Variants in ZNF138 observed in about 807,000 individuals in gnomAD.
ZNF138 encodes the protein zinc finger protein 138, also known as zinc finger protein 138 (clone pHZ-32).
In ZNF138, 33 loss-of-function variants were observed where a neutral mutation model predicts 33.0. That is an observed-to-expected ratio of 1.00 (90% CI 0.76 to 1.34). The LOEUF is 1.34. Ranked by LOEUF, ZNF138 falls within the 40% of genes most tolerant of loss-of-function variation. The pLI, the probability that ZNF138 is intolerant of heterozygous loss-of-function variation, is 0.00. For synonymous variants in ZNF138, 139 were observed against 120.4 expected, an observed-to-expected ratio of 1.15 and a Z score of -1.01; for missense variants, 360 against 370.8, an observed-to-expected ratio of 0.97 and a Z score of 0.24.
Position 64,832,499 on chromosome 7 carries a change from C to A in ZNF138, c.*297C>A. ...AAATTCATACTGGGGAGAAACCCCA[C>A]AAATGTGGAGAATGCGGAAAAGCCT... On this transcript the variant is annotated 3_prime_UTR_variant, in exon 4 of 4. Transcript: ENST00000307355. The A allele has an allele frequency of 9.6e-7, 1 of 1,044,584 alleles. No individual in the cohort carries two copies. Among genetic ancestry groups the A allele is most frequent in the Non-Finnish European group, 1.3e-6 (1 of 756,702 alleles). 64.7% of individuals were successfully genotyped at this position (1,044,584 alleles called of 1,614,324 possible).
intron 1 of ZNF138, among the ~76,000 whole-genome samples, chr7:64,806,852 CTGT>C (rs992432156): frequency 6.6e-6 from 1 of 152,214 alleles, no homozygotes; most frequent in African/African-American, 2.4e-5. Flanking sequence ...TCAGCCCACT[CTGT>C]TGTTGGGAAC....
chr7:64,832,386 A>G lies in ZNF138; in HGVS notation c.*184A>G. On this transcript the variant is annotated 3_prime_UTR_variant, in exon 4 of 4. Transcript: ENST00000307355. ...CCAGTCCGCAAAGCTCACTGAACAT[A>G]AGTTAATTCATACTGGAGAAAAACC... 6.5e-7 allele frequency: 1 copy of G among 1,530,940 alleles called. No homozygotes were observed. The highest frequency in any genetic ancestry group is 8.7e-7 in the Non-Finnish European group (1 of 1,145,420). 94.8% of individuals were successfully genotyped at this position (1,530,940 alleles called of 1,614,324 possible). A position where few individuals can be genotyped will look rare whatever the true frequency, so the allele number is the denominator to read the frequency against.
intron 3 of ZNF138, among the ~76,000 whole-genome samples, chr7:64,824,571 A>T (rs923241726): frequency 1.3e-5 from 2 of 152,120 alleles, no homozygotes; most frequent in Non-Finnish European, 2.9e-5. Flanking sequence ...TGCAATTATT[A>T]TGTTGCTATG....
downstream of ZNF138, among the ~76,000 whole-genome samples, chr7:64,837,768 T>G (rs1432576801): frequency 6.6e-6 from 1 of 152,190 alleles, no homozygotes; most frequent in Non-Finnish European, 1.5e-5. Context: ...AATCTTGGGG[T>G]TATCTGTTCG....
At chr7:64,846,116 C>T in the ZNF138 span, among the ~76,000 whole-genome samples, 1 of 152,076 alleles carries the variant, frequency 6.6e-6, no homozygotes, top group African/African-American at 2.4e-5. Flanking sequence ...GCTCCGTTGG[C>T]CTACGTGCCT....
In ZNF138 at chr7:64,832,819, C is replaced by T. The variant is rs1047444832; in HGVS notation, c.*617C>T. 8.9e-6 allele frequency: 4 copies of T among 449,038 alleles called. No homozygotes were observed. Among genetic ancestry groups the T allele is most frequent in the South Asian group, 1.7e-5 (1 of 57,846 alleles). The allele number at this position is 449,038 out of a possible 1,614,324, so 27.8% of individuals were successfully genotyped here. ...CTTACTAAACACAAGAAGATTCATA[C>T]TAGAGAGAAACCCTACAAATGTGAA... On this transcript the variant is annotated 3_prime_UTR_variant, in exon 4 of 4. Transcript: ENST00000307355.
intron 1 of ZNF138, among the ~76,000 whole-genome samples, chr7:64,794,806 G>A (rs1207779718): frequency 6.6e-6 from 1 of 152,150 alleles, no homozygotes; most frequent in African/African-American, 2.4e-5. Flanking sequence ...CTGGCCTGGA[G>A]CCCTCTCTGA....
intron 3 of ZNF138, chr7:64,831,214 T>A: frequency 8.0e-7 from 1 of 1,256,212 alleles, no homozygotes; most frequent in Non-Finnish European, 1.1e-6. Flanking sequence ...CTCTTCTGTG[T>A]GGCTCTTTGC....
chr7:64,845,936 G>A, the ZNF138 span, among the ~76,000 whole-genome samples: 64,728 of 151,722 alleles, frequency 0.43, 14,003 homozygotes, highest in Non-Finnish European at 0.46. Flanking sequence ...GTTGATTTTT[G>A]TATAAGATGA....
intron 1 of ZNF138, among the ~76,000 whole-genome samples, chr7:64,797,374 T>C (rs776402710): frequency 1.3e-5 from 2 of 152,232 alleles, no homozygotes; most frequent in Non-Finnish European, 2.9e-5. Context: ...GCTTTAAAAT[T>C]TCCTTCCCTT....
chr7:64,804,087 G>A (rs1787373934), intron 1 of ZNF138, among the ~76,000 whole-genome samples: 1 of 152,098 alleles, frequency 6.6e-6, no homozygotes, highest in African/African-American at 2.4e-5. Flanking sequence ...TAAGGGAGGA[G>A]ACCACCCCTC....
chr7:64,806,684 G>GTA (rs1036197673), intron 1 of ZNF138, among the ~76,000 whole-genome samples: 1 of 152,164 alleles, frequency 6.6e-6, no homozygotes, highest in African/African-American at 2.4e-5. Context: ...TTTGAGCTGT[G>GTA]TATTTATTTC....
intron 3 of ZNF138, among the ~76,000 whole-genome samples, chr7:64,817,458 C>A (rs6960554): frequency 0.99 from 150,051 of 152,254 alleles, 73,978 homozygotes; most frequent in East Asian, 1. Flanking sequence ...AACACTCCTC[C>A]ATCTGGGGTT....
intron 1 of ZNF138, among the ~76,000 whole-genome samples, chr7:64,798,918 T>G (rs1032212811): frequency 4.2e-4 from 64 of 152,016 alleles, no homozygotes; most frequent in African/African-American, 1.5e-3. Context: ...TTTTTTTTTT[T>G]TTTTTAATCA....
chr7:64,806,510 C>T (rs1366640566), intron 1 of ZNF138, among the ~76,000 whole-genome samples: 1 of 152,190 alleles, frequency 6.6e-6, no homozygotes, highest in Non-Finnish European at 1.5e-5. Context: ...ACACCTGCTG[C>T]TACTCCACCC....
chr7:64,858,442 A>T, the ZNF138 span, among the ~76,000 whole-genome samples: 2 of 152,224 alleles, frequency 1.3e-5, no homozygotes, highest in African/African-American at 4.8e-5. Flanking sequence ...ACCATAAGGG[A>T]TAATGTGAGA....
At chr7:64,827,824 G>A (rs768596995) in intron 3 of ZNF138, among the ~76,000 whole-genome samples, 3 of 151,872 alleles carry the variant, frequency 2.0e-5, no homozygotes, top group Non-Finnish European at 2.9e-5. Flanking sequence ...TTATACCTGT[G>A]AGTTAGATAT....
intron 3 of ZNF138, among the ~76,000 whole-genome samples, chr7:64,824,996 C>G (rs190860133): frequency 6.6e-6 from 1 of 151,790 alleles, no homozygotes; most frequent in Non-Finnish European, 1.5e-5. Flanking sequence ...CATGCACCAC[C>G]TCACCTGGCT....
the ZNF138 span, among the ~76,000 whole-genome samples, chr7:64,839,305 C>A: frequency 6.6e-6 from 1 of 152,154 alleles, no homozygotes; most frequent in Non-Finnish European, 1.5e-5. Flanking sequence ...AGGAGGCACC[C>A]TAAGGGGGTG....
Sources: gnomAD v4.1 joint callset for allele counts (sites outside exome capture counted in the v4.1 genomes callset) on GRCh38, gnomAD v4.1.1 for gene constraint, MANE v1.5 for transcripts, NCBI Gene and HGNC (gene_info 2026-07-23, HGNC 2026-07-21) for gene names.